ABCA13: variants seen among roughly 807,000 people sequenced by gnomAD.
ABCA13 encodes ATP binding cassette subfamily A member 13.
In ABCA13, 476 loss-of-function variants were observed where a neutral mutation model predicts 478.7. That is an observed-to-expected ratio of 0.99 (90% confidence interval 0.92 to 1.07). The LOEUF is 1.07. ABCA13 is among the 50% of genes least tolerant of loss of function. The pLI, the probability that ABCA13 is intolerant of heterozygous loss-of-function variation, is 0.00. For missense variants in ABCA13, 6,060 were observed against 5,910.6 expected (o/e 1.03, Z -0.83); for synonymous variants, 2,252 against 2,158.9 (o/e 1.04, Z -1.20).
intron 55 of ABCA13, among the ~76,000 whole-genome samples, chr7:48,574,331 C>T (rs950689839): frequency 2.0e-5 from 3 of 152,050 alleles, no homozygotes; most frequent in Admixed American, 6.6e-5. Context: ...TTTACATTTC[C>T]GGAGGCTTCA....
chr7:48,412,138 C>T (rs1819347661), intron 40 of ABCA13, among the ~76,000 whole-genome samples: 1 of 151,952 alleles, frequency 6.6e-6, no homozygotes, highest in Non-Finnish European at 1.5e-5. Context: ...TGGGTGTGGC[C>T]TCACAAGGTT....
intron 46 of ABCA13, 22 bp from the exon 47 acceptor site, chr7:48,483,054 A>T (rs1373493916): frequency 1.9e-5 from 31 of 1,596,484 alleles, no homozygotes; most frequent in Non-Finnish European, 2.7e-5. Flanking sequence ...TGAAGCACTA[A>T]CACAATGTTC....
intron 58 of ABCA13, among the ~76,000 whole-genome samples, chr7:48,610,967 T>C (rs1791972162): frequency 6.6e-6 from 1 of 152,194 alleles, no homozygotes; most frequent in Admixed American, 6.5e-5. Context: ...TGAAATGCTT[T>C]TGAGGCATTT....
At position 48,288,095 on chromosome 7, in the gene ABCA13, A is replaced by G; in HGVS notation, c.8955+17A>G. ...CACTTCCAGGTTTGTCGTCTTTAAT[A>G]TTTCAGAGAATTTCATGTTCATGAC... On this transcript the variant is annotated intron_variant, in intron 20 of 61. Transcript: ENST00000435803. The G allele has an allele frequency of 6.3e-7, 1 of 1,598,674 alleles. No individual in the cohort carries two copies.
rs1238773899 is a variant in ABCA13 at position 48,615,384 on chromosome 7, T to A, written c.14837+7T>A. The A allele has an allele frequency of 6.4e-7, 1 of 1,556,832 alleles. No individual in the cohort carries two copies. The highest frequency in any genetic ancestry group is 8.7e-7 in the Non-Finnish European group (1 of 1,148,588). On this transcript the variant is annotated splice_region_variant and intron_variant, in intron 59 of 61. Transcript: ENST00000435803. ...CTCAGCACATCAAAAATAGGTGCGT[T>A]GAAGTTCTCCTTTTGCTTAGATATT...
intron 56 of ABCA13, among the ~76,000 whole-genome samples, chr7:48,583,468 T>C (rs912343956): frequency 3.3e-5 from 5 of 152,220 alleles, no homozygotes; most frequent in African/African-American, 1.2e-4. Context: ...GATAGATGTA[T>C]GTGTGAATCT....
chr7:48,299,934 G>A (rs924834327), intron 23 of ABCA13, among the ~76,000 whole-genome samples: 1 of 152,174 alleles, frequency 6.6e-6, no homozygotes, highest in East Asian at 1.9e-4. Context: ...CTAAACAGCT[G>A]GACAGTTAAG....
intron 55 of ABCA13, among the ~76,000 whole-genome samples, chr7:48,556,584 T>G (rs1450297012): frequency 6.6e-6 from 1 of 152,076 alleles, no homozygotes; most frequent in Admixed American, 6.6e-5. Context: ...TTATGGATTT[T>G]GTCTTGAAAT....
intron 41 of ABCA13, 90 bp from the exon 42 acceptor site, chr7:48,427,676 C>A: frequency 1.2e-6 from 1 of 810,166 alleles, no homozygotes; most frequent in Non-Finnish European, 2.0e-6. Flanking sequence ...TATGTTGTCA[C>A]AACCGGATTA....
At chr7:48,445,301 G>A (rs1316407739) in intron 42 of ABCA13, among the ~76,000 whole-genome samples, 1 of 152,140 alleles carries the variant, frequency 6.6e-6, no homozygotes, top group East Asian at 1.9e-4. Flanking sequence ...GAGCCACTGT[G>A]CCCGGCCTAG....
chr7:48,212,839 A>G (rs1309857041), intron 3 of ABCA13, among the ~76,000 whole-genome samples: 2 of 152,120 alleles, frequency 1.3e-5, no homozygotes, highest in African/African-American at 4.8e-5. Flanking sequence ...GTCTTTAATC[A>G]TATGTATACA....
Position 48,513,985 on chromosome 7 carries a change from A to T in ABCA13, c.13641-2740A>T, listed in dbSNP as rs889457459. ...TTTGTTTTTCTTAAATAATGCTTTG[A>T]TCCACTTGTCAAATATTTAAATGAC... On this transcript the variant is annotated intron_variant, in intron 51 of 61. Transcript: ENST00000435803. 3.9e-5 allele frequency among the ~76,000 whole-genome samples: 6 copies of T among 152,172 alleles called. No homozygotes were observed. The East Asian group carries it at 9.6e-4, about 24-fold the overall frequency.
chr7:48,329,615 GTCCA>G (rs1260282521), intron 27 of ABCA13, among the ~76,000 whole-genome samples: 2 of 145,748 alleles, frequency 1.4e-5, no homozygotes, highest in African/African-American at 5.2e-5. Flanking sequence ...CCATCCATCT[GTCCA>G]TCCATCCATC....
chr7:48,210,461 A>T (rs1189411535), intron 3 of ABCA13, among the ~76,000 whole-genome samples: 4 of 152,042 alleles, frequency 2.6e-5, no homozygotes, highest in Non-Finnish European at 5.9e-5. Context: ...AACTTTTGTG[A>T]TGTAGGCATT....
chr7:48,383,370 G>C (rs1279868159), intron 35 of ABCA13, among the ~76,000 whole-genome samples: 1 of 152,100 alleles, frequency 6.6e-6, no homozygotes, highest in Admixed American at 6.5e-5. Flanking sequence ...TATGTATGTG[G>C]GTATACGTAT....
intron 48 of ABCA13, among the ~76,000 whole-genome samples, chr7:48,492,916 C>T (rs1328490021): frequency 6.6e-6 from 1 of 152,020 alleles, no homozygotes; most frequent in Non-Finnish European, 1.5e-5. Context: ...ATCCCAGCTA[C>T]TTGGGAGGCT....
chr7:48,456,006 C>T (rs554613062), intron 43 of ABCA13, among the ~76,000 whole-genome samples: 1 of 149,498 alleles, frequency 6.7e-6, no homozygotes, highest in Non-Finnish European at 1.5e-5. Flanking sequence ...CAGGGAGGCC[C>T]GGCCCTTGCC....
intron 42 of ABCA13, among the ~76,000 whole-genome samples, chr7:48,454,794 C>T (rs902448909): frequency 2.0e-5 from 3 of 152,066 alleles, no homozygotes; most frequent in African/African-American, 7.3e-5. Flanking sequence ...GGAGCTCACA[C>T]GCCCTGCTCC....
intron 59 of ABCA13, among the ~76,000 whole-genome samples, chr7:48,622,009 T>C (rs1006751590): frequency 2.6e-5 from 4 of 152,152 alleles, no homozygotes; most frequent in African/African-American, 7.2e-5. Context: ...CCCAACCTCA[T>C]AGGGAAAAGT....
Sources: gnomAD v4.1 joint callset for allele counts (sites outside exome capture counted in the v4.1 genomes callset) on GRCh38, gnomAD v4.1.1 for gene constraint, MANE v1.5 for transcripts, NCBI Gene and HGNC (gene_info 2026-07-23, HGNC 2026-07-21) for gene names.